Variants in NTNG2 observed in about 807,000 individuals in gnomAD.
The protein encoded by NTNG2 is netrin-G2.
In NTNG2, 15 loss-of-function variants were observed where a neutral mutation model predicts 47.6. That is an observed-to-expected ratio of 0.32 (90% CI 0.21 to 0.49). NTNG2 has a LOEUF of 0.49. NTNG2 is among the 20% of genes least tolerant of loss of function. NTNG2 has a pLI of 0.99. For synonymous variants in NTNG2, 307 were observed against 324.6 expected (o/e 0.95, Z 0.58); for missense variants, 578 against 764.6 (o/e 0.76, Z 2.88).
At chr9:132,229,475 C>G (rs1841035564) in intron 4 of NTNG2, among the ~76,000 whole-genome samples, 1 of 152,170 alleles carries the variant, frequency 6.6e-6, no homozygotes, top group Non-Finnish European at 1.5e-5. Context: ...CTCCTCACCA[C>G]TCTGCCCCCA....
chr9:132,206,929 C>A (rs573545986), intron 3 of NTNG2, among the ~76,000 whole-genome samples: 3 of 152,350 alleles, frequency 2.0e-5, no homozygotes, highest in Admixed American at 1.3e-4. Flanking sequence ...AGGTGGTTGA[C>A]CCCTGGACCT....
In NTNG2 at chr9:132,193,751, C is replaced by T. The variant is rs993312950; in HGVS notation, c.214-4215C>T. On this transcript the variant is annotated intron_variant, in intron 2 of 7. Transcript: ENST00000393229. Reference sequence around the variant, plus strand: ...GCATGAGGCTTGTCTTAGTCAGCTCCGGCCACCATAACAAAGTAGCACACG... The same window carrying T: ...GCATGAGGCTTGTCTTAGTCAGCTCTGGCCACCATAACAAAGTAGCACACG... Among the ~76,000 whole-genome samples the T allele has an allele frequency of 5.3e-5, 8 of 152,238 alleles. No individual in the cohort carries two copies. In the East Asian group the frequency reaches 1.5e-3, roughly 29 times the overall value.
Position 132,226,996 on chromosome 9 carries a change from G to A in NTNG2, c.1005G>A (p.Pro335=), listed in dbSNP as rs370404014. The change falls in exon 4 of 8, where the codon CCG becomes CCA. Residue 335 remains proline (P), a synonymous_variant. Coordinates refer to ENST00000393229, the MANE Select transcript of NTNG2 (RefSeq NM_032536.4). This position sits in a 1 kb window ranked among gnomAD's most constrained non-coding sequence, Gnocchi z 4.8. ...CCTGGCGGGCCGGCTCCTACCTGCCGCTGCCCCATGGCTCTCCCAACGCCT... is the reference window on the plus strand; with the variant it reads ...CCTGGCGGGCCGGCTCCTACCTGCCACTGCCCCATGGCTCTCCCAACGCCT... ...TRSWRAGSYL[P]LPHGSPNACA... 2.3e-5 allele frequency: 37 copies of A among 1,608,244 alleles called. No homozygotes were observed. The highest frequency in any genetic ancestry group is 6.7e-5 in the East Asian group (3 of 44,836).
At chr9:132,241,513 G>C (rs1030935220) in intron 7 of NTNG2, 4 of 344,808 alleles carry the variant, frequency 1.2e-5, no homozygotes, top group African/African-American at 6.6e-5. Flanking sequence ...AGGTATTTGC[G>C]GGGACAGAGG....
At chr9:132,181,944 C>T (rs901715743) in intron 2 of NTNG2, among the ~76,000 whole-genome samples, 24 of 152,208 alleles carry the variant, frequency 1.6e-4, no homozygotes, top group African/African-American at 4.6e-4. Context: ...GCCTGATAGA[C>T]GGAGGCGGCT....
At chr9:132,172,113 G>T (rs1380445277) in intron 2 of NTNG2, among the ~76,000 whole-genome samples, 1 of 152,230 alleles carries the variant, frequency 6.6e-6, no homozygotes. Flanking sequence ...AACTCTCCGG[G>T]CGCTCCAGCC....
At chr9:132,196,381 C>T (rs1475167022) in intron 2 of NTNG2, among the ~76,000 whole-genome samples, 1 of 152,020 alleles carries the variant, frequency 6.6e-6, no homozygotes, top group Non-Finnish European at 1.5e-5. Context: ...TTAGTAGAGA[C>T]GGGGTTTCTC....
Position 132,163,000 on chromosome 9 carries a change from C to T in NTNG2, c.-484+761C>T, listed in dbSNP as rs1835198631. ...GTAAGTTGGCCGTCTGGGCTGGGGG[C>T]GGCGGCGGCCGGGTCGCCACAGGCG... On this transcript the variant is annotated intron_variant, in intron 1 of 7. Transcript: ENST00000393229. This position sits in a 1 kb window ranked among gnomAD's most constrained non-coding sequence, Gnocchi z 4.6. 6.6e-6 allele frequency among the ~76,000 whole-genome samples: 1 copy of T among 152,006 alleles called. No individual in the cohort carries two copies. Among genetic ancestry groups the T allele is most frequent in the African/African-American group, 2.4e-5 (1 of 41,376 alleles).
intron 2 of NTNG2, among the ~76,000 whole-genome samples, chr9:132,177,015 A>C (rs1253563200): frequency 6.6e-6 from 1 of 152,196 alleles, no homozygotes; most frequent in Non-Finnish European, 1.5e-5. Flanking sequence ...TTTGAGACAG[A>C]GTCTCATTCT....
Position 132,203,428 on chromosome 9 carries a change from C to T in NTNG2, c.857+4819C>T, listed in dbSNP as rs112404441. Among the ~76,000 whole-genome samples, 525 of 152,086 alleles carry T rather than the reference C, an allele frequency of 3.5e-3. 4 individuals carry two copies. The highest frequency in any genetic ancestry group is 8.3e-3 in the African/African-American group (343 of 41,472). ...TGGGTACCTATGGTACCAGCGGAAGCGATAGGGAAGGGTGTGGCCTGGGGA... is the reference window on the plus strand; with the variant it reads ...TGGGTACCTATGGTACCAGCGGAAGTGATAGGGAAGGGTGTGGCCTGGGGA... On this transcript the variant is annotated intron_variant, in intron 3 of 7. Coordinates refer to ENST00000393229, the MANE Select transcript of NTNG2 (RefSeq NM_032536.4).
chr9:132,211,723 G>A (rs757074728), intron 3 of NTNG2, among the ~76,000 whole-genome samples: 5 of 152,072 alleles, frequency 3.3e-5, no homozygotes, highest in Admixed American at 1.3e-4. Context: ...CCAGCCCCTC[G>A]GTCCCCTTCT....
chr9:132,167,131 A>C (rs1286922923), intron 2 of NTNG2, 87 bp downstream of exon 2: 8 of 1,426,592 alleles, frequency 5.6e-6, no homozygotes, highest in Non-Finnish European at 7.8e-6. Context: ...GCAGAGCTGG[A>C]GGACTGAGAT....
intron 4 of NTNG2, among the ~76,000 whole-genome samples, chr9:132,229,484 C>G (rs959000538): frequency 1.3e-5 from 2 of 152,184 alleles, no homozygotes; most frequent in Non-Finnish European, 2.9e-5. Context: ...ACTCTGCCCC[C>G]ACCTGGCCAG....
rs911933571 is a variant in NTNG2, at chr9:132,236,051, G to A, written c.1055-3053G>A. On this transcript the variant is annotated intron_variant, in intron 5 of 7. Coordinates refer to ENST00000393229, the MANE Select transcript of NTNG2 (RefSeq NM_032536.4). This position sits in a 1 kb window ranked among gnomAD's most constrained non-coding sequence, Gnocchi z 4.3. The stretch of plus-strand genomic sequence containing the variant: ...GGCTTCGGAGTCTGGTAGAGGCCCC[G>A]CCTCCCACGACAGGAACCCCCCTCT... 2.6e-5 allele frequency among the ~76,000 whole-genome samples: 4 copies of A among 152,186 alleles called. No individual in the cohort carries two copies. Among genetic ancestry groups the A allele is most frequent in the East Asian group, 3.8e-4 (2 of 5,200 alleles).
In NTNG2 at chr9:132,221,642, T is replaced by A. The variant is rs1840357096; in HGVS notation, c.858-5207T>A. Among the ~76,000 whole-genome samples, 1 of 152,140 alleles carries A rather than the reference T, an allele frequency of 6.6e-6. No homozygotes were observed. The highest frequency in any genetic ancestry group is 2.4e-5 in the African/African-American group (1 of 41,436). ...AGCGAGTTGAAGAGGCCGGGACATC[T>A]TCTCCTGTTCCCGAGGAAGACAGGA... is the stretch of plus-strand genomic sequence containing the variant. On this transcript the variant is annotated intron_variant, in intron 3 of 7. Coordinates refer to ENST00000393229, the MANE Select transcript of NTNG2 (RefSeq NM_032536.4). The surrounding 1 kb of genome is among the most constrained non-coding windows in gnomAD (Gnocchi z 4.2).
chr9:132,222,788 A>G (rs1186298226), intron 3 of NTNG2, among the ~76,000 whole-genome samples: 1 of 152,138 alleles, frequency 6.6e-6, no homozygotes, highest in Admixed American at 6.5e-5. Context: ...GCCTGACCTC[A>G]TGTTTCTAAA....
intron 2 of NTNG2, among the ~76,000 whole-genome samples, chr9:132,171,064 G>A (rs551142853): frequency 1.3e-5 from 2 of 152,250 alleles, no homozygotes; most frequent in East Asian, 3.9e-4. Flanking sequence ...GATGGAGCTG[G>A]GAGCCGAGAT....
Position 132,182,217 on chromosome 9 carries a change from G to A in NTNG2, c.213+15173G>A, listed in dbSNP as rs996106104. Among the ~76,000 whole-genome samples, 1 of 152,254 alleles carries A rather than the reference G, an allele frequency of 6.6e-6. No homozygotes were observed. Among genetic ancestry groups the A allele is most frequent in the African/African-American group, 2.4e-5 (1 of 41,470 alleles). The stretch of plus-strand genomic sequence containing the variant: ...TGGGGAAGGCGAGATGGCTTTGCCT[G>A]GAGGAACCTGATTGTTTTTCTGGGG... On this transcript the variant is annotated intron_variant, in intron 2 of 7. Transcript: ENST00000393229. The surrounding 1 kb of genome is among the most constrained non-coding windows in gnomAD (Gnocchi z 4.2).
At position 132,239,105 on chromosome 9, in the gene NTNG2, C is replaced by G. The variant is rs1374759524; in HGVS notation, c.1056C>G (p.Asn352Lys). ...ATTTCTCCCACTTGGCCGGCCCAGA[C>G]TGCGAATGCTACGGTCACTCCAACC... ...NACATAGSFG[N>K]CECYGHSNRC... The change falls in exon 6 of 8, where the codon AAC becomes AAG. Residue 352 changes from asparagine (N) to lysine (K), a missense_variant and splice_region_variant. Transcript: ENST00000393229. 6.2e-7 allele frequency: 1 copy of G among 1,611,264 alleles called. No homozygotes were observed. The highest frequency in any genetic ancestry group is 8.5e-7 in the Non-Finnish European group (1 of 1,177,666).
Sources: gnomAD v4.1 joint callset for allele counts (sites outside exome capture counted in the v4.1 genomes callset) on GRCh38, gnomAD v4.1.1 for gene constraint, Gnocchi (gnomAD v3.1) non-coding constraint, MANE v1.5 for transcripts, NCBI Gene and HGNC (gene_info 2026-07-23, HGNC 2026-07-21) for gene names.